The following ADGRL4 variants were observed in gnomAD, a reference collection of about 807,000 sequenced individuals.
ADGRL4 encodes the protein adhesion G protein-coupled receptor L4.
ADGRL4 carries 90 observed loss-of-function variants against 74.8 expected under a neutral mutation model. The ratio of observed to expected loss-of-function variants is 1.20; its 90% CI spans 1.02 to 1.43. The LOEUF (loss-of-function observed/expected upper bound fraction) is 1.43. ADGRL4 is among the 40% of genes most tolerant of loss of function. The pLI is 0.00. For missense variants in ADGRL4, 881 were observed against 814.3 expected (o/e 1.08, Z -1.00); for synonymous variants, 311 against 279.2 (o/e 1.11, Z -1.14).
chr1:78,912,365 C>T (rs748489893), intron 12 of ADGRL4, among the ~76,000 whole-genome samples: 2 of 151,782 alleles, frequency 1.3e-5, no homozygotes, highest in African/African-American at 2.4e-5. Flanking sequence ...CCTTGTTATA[C>T]CCTCTCTCTT....
intron 12 of ADGRL4, among the ~76,000 whole-genome samples, chr1:78,906,436 G>A (rs1648637361): frequency 6.6e-6 from 1 of 151,914 alleles, no homozygotes; most frequent in Non-Finnish European, 1.5e-5. Flanking sequence ...CTGTATCCAT[G>A]AAGGATAAAG....
At chr1:78,906,795 A>T (rs1051685476) in intron 12 of ADGRL4, among the ~76,000 whole-genome samples, 2 of 151,996 alleles carry the variant, frequency 1.3e-5, no homozygotes, top group African/African-American at 4.8e-5. Flanking sequence ...AGAAGCTAAA[A>T]TAGAACTTTC....
intron 12 of ADGRL4, among the ~76,000 whole-genome samples, chr1:78,915,184 T>C (rs565505279): frequency 1.3e-5 from 2 of 151,998 alleles, no homozygotes; most frequent in South Asian, 4.1e-4. Flanking sequence ...CACTGTATAA[T>C]AATCTTTTCT....
At chr1:78,943,101 C>G (rs1906831) in intron 3 of ADGRL4, among the ~76,000 whole-genome samples, 2 of 151,604 alleles carry the variant, frequency 1.3e-5, no homozygotes, top group African/African-American at 2.4e-5. Context: ...AACTCACAGA[C>G]TGCCAAAGAA....
At chr1:78,977,974 T>C (rs928009414) in intron 2 of ADGRL4, among the ~76,000 whole-genome samples, 1 of 151,878 alleles carries the variant, frequency 6.6e-6, no homozygotes, top group African/African-American at 2.4e-5. Context: ...CATGTGTTTC[T>C]AAATTAATAT....
intron 10 of ADGRL4, 104 bp from the exon 11 acceptor site, chr1:78,918,154 A>T (rs1167882764): frequency 1.2e-6 from 1 of 847,490 alleles, no homozygotes; most frequent in Admixed American, 2.7e-5. Flanking sequence ...TCTTTATACT[A>T]TAAAGTATGC....
At chr1:78,982,662 A>G (rs1650419988) in intron 2 of ADGRL4, among the ~76,000 whole-genome samples, 2 of 151,948 alleles carry the variant, frequency 1.3e-5, no homozygotes, top group Admixed American at 6.6e-5. Context: ...ACATCTAGAA[A>G]TGCTAGATAA....
At chr1:78,994,364 A>G (rs1391712076) in intron 2 of ADGRL4, among the ~76,000 whole-genome samples, 2 of 152,196 alleles carry the variant, frequency 1.3e-5, no homozygotes, top group Middle Eastern at 3.2e-3. Context: ...TTGCAAGCAG[A>G]AATACCATTC....
chr1:78,905,402 AATTTT>A (rs1277416852), intron 12 of ADGRL4, among the ~76,000 whole-genome samples: 10 of 152,022 alleles, frequency 6.6e-5, no homozygotes, highest in African/African-American at 2.4e-4. Flanking sequence ...AAATTCTGGG[AATTTT>A]ATGAGAGCAG....
intron 3 of ADGRL4, among the ~76,000 whole-genome samples, chr1:78,943,089 G>A (rs548266964): frequency 2.0e-5 from 3 of 151,772 alleles, no homozygotes; most frequent in South Asian, 2.1e-4. Flanking sequence ...TTTCTAATGC[G>A]TAACTCACAG....
At chr1:78,979,855 C>T (rs1650364690) in intron 2 of ADGRL4, among the ~76,000 whole-genome samples, 1 of 151,714 alleles carries the variant, frequency 6.6e-6, no homozygotes, top group Admixed American at 6.6e-5. Flanking sequence ...TATGAGGACG[C>T]AAAGGCATAA....
chr1:78,979,243 AC>A (rs1650352460), intron 2 of ADGRL4, among the ~76,000 whole-genome samples: 1 of 151,782 alleles, frequency 6.6e-6, no homozygotes, highest in South Asian at 2.1e-4. Flanking sequence ...TACTTAAAAA[AC>A]CTTTGTTTTC....
intron 2 of ADGRL4, among the ~76,000 whole-genome samples, chr1:78,964,135 T>C (rs1469264071): frequency 6.6e-6 from 1 of 152,130 alleles, no homozygotes; most frequent in Non-Finnish European, 1.5e-5. Flanking sequence ...AAAATTGATA[T>C]ATAATTTAAG....
At chr1:78,945,177 A>AAAAAAAAAAAAAAATAT (rs376405445) in intron 3 of ADGRL4, among the ~76,000 whole-genome samples, 1 of 127,938 alleles carries the variant, frequency 7.8e-6, no homozygotes, top group East Asian at 2.8e-4. Context: ...AAAAAAAAAA[A>AAAAAAAAAAAAAAATAT]ATATATATAT....
chr1:78,921,149 T>C (rs1042221765), intron 9 of ADGRL4, among the ~76,000 whole-genome samples: 1 of 151,742 alleles, frequency 6.6e-6, no homozygotes, highest in African/African-American at 2.4e-5. Flanking sequence ...AGAGAGATTC[T>C]TCATGTTTAA....
intron 2 of ADGRL4, among the ~76,000 whole-genome samples, chr1:78,982,859 T>C (rs1247767222): frequency 6.6e-6 from 1 of 151,880 alleles, no homozygotes; most frequent in African/African-American, 2.4e-5. Flanking sequence ...GGACTGCACC[T>C]GTGCAAGGTC....
chr1:78,922,052 A>G (rs1025878116), intron 8 of ADGRL4, among the ~76,000 whole-genome samples: 20 of 152,036 alleles, frequency 1.3e-4, no homozygotes, highest in African/African-American at 4.8e-4. Flanking sequence ...TAATTATCAT[A>G]TGTATCTTTA....
intron 2 of ADGRL4, among the ~76,000 whole-genome samples, chr1:78,946,940 T>C (rs891318400): frequency 1.3e-5 from 2 of 152,204 alleles, no homozygotes; most frequent in African/African-American, 4.8e-5. Flanking sequence ...ACTATATGCA[T>C]TATATTGTTC....
chr1:78,956,571 C>G (rs946365818), intron 2 of ADGRL4, among the ~76,000 whole-genome samples: 1 of 152,176 alleles, frequency 6.6e-6, no homozygotes, highest in Non-Finnish European at 1.5e-5. Flanking sequence ...GCAAATCTCT[C>G]AATCTGTTCA....
Sources: gnomAD v4.1 joint callset for allele counts (sites outside exome capture counted in the v4.1 genomes callset) on GRCh38, gnomAD v4.1.1 for gene constraint, MANE v1.5 for transcripts, NCBI Gene and HGNC (gene_info 2026-07-23, HGNC 2026-07-21) for gene names.